NUP155: variants seen among roughly 807,000 people sequenced by gnomAD.
The protein encoded by NUP155 is nuclear pore complex protein Nup155.
In NUP155, 71 loss-of-function variants were observed where a neutral mutation model predicts 180.4. The observed-to-expected ratio is 0.39, with a 90% CI of 0.33 to 0.48. The LOEUF (loss-of-function observed/expected upper bound fraction) is 0.48, where lower values mean the gene tolerates loss of function less well. NUP155 is among the 20% of genes least tolerant of loss of function. The pLI is 0.91. For synonymous variants in NUP155, 582 were observed against 559.5 expected (o/e 1.04, Z -0.57); for missense variants, 1,553 against 1,648.9 (o/e 0.94, Z 1.01).
rs544727556 is a variant in NUP155, at chr5:37,293,727, C to T, written c.3930+602G>A. Among the ~76,000 whole-genome samples, 6 of 77,424 alleles carry T rather than the reference C, an allele frequency of 7.7e-5. 1 individual carries two copies. The highest frequency in any genetic ancestry group is 1.0e-4 in the Non-Finnish European group (5 of 47,976). 50.8% of individuals were successfully genotyped at this position (77,424 alleles called of 152,430 possible). ...GCAAATGATGATTCTTGGCCGGGCGCGGTGGCTCACGCCTGTAATCCCAGC... is the reference window on the plus strand; with the variant it reads ...GCAAATGATGATTCTTGGCCGGGCGTGGTGGCTCACGCCTGTAATCCCAGC... On this transcript the variant is annotated intron_variant, in intron 33 of 34. Coordinates refer to ENST00000231498, the MANE Select transcript of NUP155 (RefSeq NM_153485.3).
At chr5:37,308,770 C>T (rs1401120068) in intron 24 of NUP155, among the ~76,000 whole-genome samples, 2 of 150,636 alleles carry the variant, frequency 1.3e-5, no homozygotes, top group Non-Finnish European at 3.0e-5. Flanking sequence ...ATACCAGCTA[C>T]CCGGGAGGCT....
chr5:37,351,501 C>CA (rs1387464212), intron 5 of NUP155, 145 bp from the exon 6 acceptor site: 29 of 588,310 alleles, frequency 4.9e-5, no homozygotes, highest in Non-Finnish European at 8.2e-5. Context: ...AGGCTGGGTG[C>CA]AGTGGCCCGA....
chr5:37,298,190 A>G (rs995847386), intron 32 of NUP155, among the ~76,000 whole-genome samples: 2 of 151,798 alleles, frequency 1.3e-5, no homozygotes, highest in Admixed American at 6.6e-5. Context: ...GTGAGCCGAG[A>G]TGGCATCATT....
At chr5:37,348,000 G>T (rs1746211243) in intron 9 of NUP155, among the ~76,000 whole-genome samples, 1 of 152,148 alleles carries the variant, frequency 6.6e-6, no homozygotes, top group African/African-American at 2.4e-5. Context: ...TGGGCATGGT[G>T]GTGCATGTCC....
chr5:37,301,575 T>C (rs982630254), intron 29 of NUP155, 25 bp from the exon 30 acceptor site: 2 of 1,322,926 alleles, frequency 1.5e-6, no homozygotes, highest in African/African-American at 2.9e-5. Flanking sequence ...AAACAGGATG[T>C]CTTAATTTAT....
At chr5:37,309,080 T>C in intron 24 of NUP155, 49 bp downstream of exon 24, 1 of 1,593,298 alleles carries the variant, frequency 6.3e-7, no homozygotes, top group Non-Finnish European at 8.6e-7. Flanking sequence ...TACACTATTG[T>C]TTGTCTTTTG....
intron 3 of NUP155, 140 bp from the exon 4 acceptor site, chr5:37,358,291 C>G: frequency 1.4e-6 from 1 of 692,100 alleles, no homozygotes; most frequent in South Asian, 1.4e-5. Context: ...CCAGCCTGGG[C>G]AACATAGTGA....
chr5:37,309,444 T>C lies in NUP155; in HGVS notation c.2629-177A>G, dbSNP rs1042290082. 11 of 589,344 alleles carry C rather than the reference T, an allele frequency of 1.9e-5. No homozygotes were observed. In the African/African-American group the frequency reaches 2.1e-4, roughly 11 times the overall value. The allele number at this position is 589,344 out of a possible 1,614,324, so 36.5% of individuals were successfully genotyped here. ...AGAAAAGTTTTTGACCAAAGATTCC[T>C]AGCTATTCTTAATTCCTCTCCCAAA... On this transcript the variant is annotated intron_variant, in intron 23 of 34. Coordinates refer to ENST00000231498, the MANE Select transcript of NUP155 (RefSeq NM_153485.3).
In NUP155 at chr5:37,364,044, C is replaced by T. The variant is rs1350077026; in HGVS notation, c.296-60G>A. ...AATCTTATTCTTCTTTAACTTGTTT[C>T]AATAGCTTTTGACTTAATATTTACG... On this transcript the variant is annotated intron_variant, in intron 2 of 34. Coordinates refer to ENST00000231498, the MANE Select transcript of NUP155 (RefSeq NM_153485.3). 2.2e-6 allele frequency: 3 copies of T among 1,346,718 alleles called. No individual in the cohort carries two copies. The African/African-American group carries it at 4.3e-5, about 19-fold the overall frequency. 83.4% of individuals were successfully genotyped at this position (1,346,718 alleles called of 1,614,324 possible).
At position 37,310,552 on chromosome 5, in the gene NUP155, C is replaced by G; in HGVS notation, c.2628G>C (p.Lys876Asn). ...LYSTDDAICS[K>N]ANELLQRSRQ... ...TGAAATAGGTAATAAAGTATCATAC[C>G]TTAGAACAAATTGCATCATCAGTGC... The change falls in exon 23 of 35, where the codon AAG becomes AAC. Residue 876 changes from lysine to asparagine, a missense_variant and splice_region_variant. Lys to Asn is a moderately conservative substitution (Grantham distance 94). Coordinates refer to ENST00000231498, the MANE Select transcript of NUP155 (RefSeq NM_153485.3). 1 of 1,610,132 alleles carries G rather than the reference C, an allele frequency of 6.2e-7. No homozygotes were observed. The highest frequency in any genetic ancestry group is 8.5e-7 in the Non-Finnish European group (1 of 1,176,942).
chr5:37,319,485 G>T (rs1378811989), intron 20 of NUP155, among the ~76,000 whole-genome samples: 1 of 152,178 alleles, frequency 6.6e-6, no homozygotes, highest in Non-Finnish European at 1.5e-5. Flanking sequence ...GATCATCTCT[G>T]TAAAATGCAG....
intron 11 of NUP155, 111 bp downstream of exon 11, chr5:37,340,979 G>T: frequency 1.1e-6 from 1 of 918,144 alleles, no homozygotes; most frequent in Non-Finnish European, 1.7e-6. Flanking sequence ...CCTTCTAGTA[G>T]TTCCCAGTTT....
At chr5:37,296,278 G>T (rs1490600098) in intron 32 of NUP155, among the ~76,000 whole-genome samples, 4 of 152,146 alleles carry the variant, frequency 2.6e-5, no homozygotes, top group African/African-American at 9.7e-5. Flanking sequence ...GATGGTTGCC[G>T]TGTCTGTATA....
At chr5:37,324,367 A>C (rs1439010899) in intron 19 of NUP155, among the ~76,000 whole-genome samples, 1 of 152,192 alleles carries the variant, frequency 6.6e-6, no homozygotes, top group East Asian at 1.9e-4. Flanking sequence ...CACCCAGACC[A>C]CAATACAGAA....
At position 37,356,649 on chromosome 5, in the gene NUP155, A is replaced by AC. The variant is rs1746848844; in HGVS notation, c.463+1431_463+1432insG. Among the ~76,000 whole-genome samples, 3 of 152,096 alleles carry AC rather than the reference A, an allele frequency of 2.0e-5. No homozygotes were observed. The South Asian group carries it at 6.2e-4, about 32-fold the overall frequency. On this transcript the variant is annotated intron_variant, in intron 4 of 34. Coordinates refer to ENST00000231498, the MANE Select transcript of NUP155 (RefSeq NM_153485.3). ...AGTGAGACTCTGTAACAGAAAAAAAAAGAAAGGTACATTTAAAGGATATAT... is the reference window on the plus strand; with the variant it reads ...AGTGAGACTCTGTAACAGAAAAAAAACAGAAAGGTACATTTAAAGGATATAT...
At chr5:37,349,272 AG>A in intron 7 of NUP155, 27 bp from the exon 8 acceptor site, 1 of 722,560 alleles carries the variant, frequency 1.4e-6, no homozygotes, top group Non-Finnish European at 2.2e-6. Flanking sequence ...AAAAAAAAAG[AG>A]AAAAAAGTAA....
chr5:37,296,098 G>GA (rs1561764766), intron 32 of NUP155, among the ~76,000 whole-genome samples: 2 of 150,882 alleles, frequency 1.3e-5, no homozygotes, highest in African/African-American at 4.9e-5. Context: ...TCCGGGAGGT[G>GA]AGGGGCACCT....
At chr5:37,297,814 G>A (rs948774565) in intron 32 of NUP155, among the ~76,000 whole-genome samples, 3 of 151,608 alleles carry the variant, frequency 2.0e-5, no homozygotes, top group East Asian at 1.9e-4. Context: ...AAAGGGAACC[G>A]TTTCCATATT....
At chr5:37,365,736 A>T (rs67188304) in intron 1 of NUP155, among the ~76,000 whole-genome samples, 6,249 of 35,448 alleles carry the variant, frequency 0.18, 1,078 homozygotes, top group East Asian at 0.29. Flanking sequence ...AAAAAAAAAA[A>T]AAATATATAT....
Sources: allele counts gnomAD v4.1 joint callset (sites outside exome capture counted in the v4.1 genomes callset), GRCh38; gene constraint gnomAD v4.1.1; transcripts MANE v1.5; gene names NCBI Gene and HGNC (gene_info 2026-07-23, HGNC 2026-07-21).